Variants in ARID4A observed in about 807,000 individuals in gnomAD.
The protein encoded by ARID4A is AT-rich interactive domain-containing protein 4A.
Under a neutral mutation model 148.6 loss-of-function variants are expected in ARID4A, and 39 were observed. That is an observed-to-expected ratio of 0.26 (90% CI 0.20 to 0.34). The LOEUF (loss-of-function observed/expected upper bound fraction) is 0.34, where lower values mean the gene tolerates loss of function less well. ARID4A is among the 10% of genes least tolerant of loss of function. ARID4A has a pLI of 1.00. For missense variants in ARID4A, 1,265 were observed against 1,449.1 expected, an observed-to-expected ratio of 0.87 and a Z score of 2.06; for synonymous variants, 475 against 481.2, an observed-to-expected ratio of 0.99 and a Z score of 0.17.
intron 15 of ARID4A, among the ~76,000 whole-genome samples, chr14:58,348,567 T>C (rs1157406875): frequency 6.6e-6 from 1 of 152,222 alleles, no homozygotes; most frequent in Non-Finnish European, 1.5e-5. Flanking sequence ...ATAAGGTCTA[T>C]TTAGGAATTG....
chr14:58,353,528 TCTC>T (rs2034732309), intron 16 of ARID4A, 127 bp from the exon 17 acceptor site: 3 of 753,198 alleles, frequency 4.0e-6, no homozygotes, highest in African/African-American at 1.8e-5. Context: ...TCCTCCTTCT[TCTC>T]CTCCTCCACT....
chr14:58,364,645 AAAG>A lies in ARID4A; in HGVS notation c.2560_2562del (p.Lys854del), dbSNP rs1566724674. 5.6e-6 allele frequency: 9 copies of A among 1,613,874 alleles called. No individual in the cohort carries two copies. The highest frequency in any genetic ancestry group is 6.8e-6 in the Non-Finnish European group (8 of 1,179,976). On this transcript the variant is annotated inframe_deletion, in exon 20 of 24. Coordinates refer to ENST00000355431, the MANE Select transcript of ARID4A (RefSeq NM_002892.4). ...ATGAAATTGACCAATGTGTGAAAGA[AAAG>A]AAGTTGAAACGGAAAATACTAGGAC...
At chr14:58,344,829 A>T in intron 12 of ARID4A, 62 bp downstream of exon 12, 1 of 1,224,736 alleles carries the variant, frequency 8.2e-7, no homozygotes, top group Non-Finnish European at 1.2e-6. Context: ...TTCTAGGTAT[A>T]TGCATTGTTT....
At chr14:58,303,435 A>AT (rs915592063) in intron 3 of ARID4A, 40 of 439,100 alleles carry the variant, frequency 9.1e-5, no homozygotes, top group Middle Eastern at 4.6e-4. Flanking sequence ...GGTCTTCCAG[A>AT]TTTTTTTTAC....
intron 16 of ARID4A, chr14:58,351,574 C>A: frequency 3.0e-6 from 1 of 334,252 alleles, no homozygotes; most frequent in Non-Finnish European, 5.4e-6. Context: ...GCCACCCAGT[C>A]AAAAGAAAGG....
At chr14:58,323,943 C>T (rs1409718859) in intron 8 of ARID4A, among the ~76,000 whole-genome samples, 4 of 119,440 alleles carry the variant, frequency 3.3e-5, no homozygotes, top group East Asian at 5.3e-4. Context: ...CTCGCTCTGT[C>T]GCCCAGGTTG....
chr14:58,334,735 G>A (rs2033714454), intron 11 of ARID4A, among the ~76,000 whole-genome samples: 2 of 152,114 alleles, frequency 1.3e-5, no homozygotes, highest in Non-Finnish European at 2.9e-5. Flanking sequence ...AGGTTATGCT[G>A]TGGATCTCAT....
chr14:58,315,239 T>A (rs552688518), intron 5 of ARID4A, among the ~76,000 whole-genome samples: 20 of 151,964 alleles, frequency 1.3e-4, no homozygotes, highest in Admixed American at 2.6e-4. Flanking sequence ...TCTCTTTTTT[T>A]AAAAAAAAAT....
chr14:58,328,263 C>T lies in ARID4A; in HGVS notation c.609C>T (p.Asp203=). Residue 203 remains aspartate, a synonymous_variant, in exon 9 of 24, where the codon GAC becomes GAT. Coordinates refer to ENST00000355431, the MANE Select transcript of ARID4A (RefSeq NM_002892.4). ...TAATATCTCCCAGCTGTAATGATGA[C>T]ATCACAGTGAAAAAGGATCAGTGTT... ...ALVISPSCND[D]ITVKKDQCLV... 6.2e-7 allele frequency: 1 copy of T among 1,602,316 alleles called. No homozygotes were observed. Among genetic ancestry groups the T allele is most frequent in the Non-Finnish European group, 8.5e-7 (1 of 1,170,184 alleles).
At position 58,303,169 on chromosome 14, in the gene ARID4A, T is replaced by C. The variant is rs529366612; in HGVS notation, c.117+1479T>C. Among the ~76,000 whole-genome samples, 320 of 152,338 alleles carry C rather than the reference T, an allele frequency of 2.1e-3. 1 individual carries two copies. Among genetic ancestry groups the C allele is most frequent in the African/African-American group, 7.0e-3 (292 of 41,570 alleles). ...TCCTCCTTAAAAAATTTTATTTAAG[T>C]TGATGAATAATAATTTTACATATTC... On this transcript the variant is annotated intron_variant, in intron 3 of 23. Coordinates refer to ENST00000355431, the MANE Select transcript of ARID4A (RefSeq NM_002892.4).
At chr14:58,354,192 A>G (rs987571503) in intron 17 of ARID4A, among the ~76,000 whole-genome samples, 1 of 152,222 alleles carries the variant, frequency 6.6e-6, no homozygotes, top group Non-Finnish European at 1.5e-5. Flanking sequence ...TTGGGAAAAC[A>G]ATAATTCATA....
At chr14:58,346,039 TG>T (rs111755289) in intron 12 of ARID4A, among the ~76,000 whole-genome samples, 4 of 151,980 alleles carry the variant, frequency 2.6e-5, no homozygotes, top group African/African-American at 9.6e-5. Context: ...CCCAGCCCTA[TG>T]CCCAAGCGTC....
chr14:58,321,446 G>C (rs1387344203), intron 7 of ARID4A, among the ~76,000 whole-genome samples: 2 of 152,082 alleles, frequency 1.3e-5, no homozygotes, highest in East Asian at 1.9e-4. Flanking sequence ...TTCCAGGATG[G>C]CTTCTGTGTT....
intron 11 of ARID4A, among the ~76,000 whole-genome samples, chr14:58,337,557 CA>C (rs928182960): frequency 1.3e-5 from 2 of 151,956 alleles, no homozygotes; most frequent in Non-Finnish European, 2.9e-5. Flanking sequence ...TTCACCTTGG[CA>C]GGGGGAACTA....
At chr14:58,341,017 T>C (rs2034093107) in intron 11 of ARID4A, among the ~76,000 whole-genome samples, 1 of 152,136 alleles carries the variant, frequency 6.6e-6, no homozygotes, top group African/African-American at 2.4e-5. Flanking sequence ...TTCTCTTTTC[T>C]TCCCTCTCCC....
At chr14:58,316,869 C>T (rs770800366) in intron 5 of ARID4A, among the ~76,000 whole-genome samples, 3 of 150,864 alleles carry the variant, frequency 2.0e-5, no homozygotes, top group Non-Finnish European at 4.4e-5. Context: ...CGGGAGTCAC[C>T]GCGCCCGGCC....
intron 5 of ARID4A, among the ~76,000 whole-genome samples, chr14:58,317,205 A>AT (rs1293812228): frequency 6.6e-6 from 1 of 150,878 alleles, no homozygotes; most frequent in African/African-American, 2.4e-5. Flanking sequence ...AAAAAAAAAA[A>AT]AAAGTAGTAA....
intron 11 of ARID4A, among the ~76,000 whole-genome samples, chr14:58,339,512 T>TA (rs1272560798): frequency 6.6e-6 from 1 of 152,148 alleles, no homozygotes; most frequent in Non-Finnish European, 1.5e-5. Flanking sequence ...GAGCTTTGGG[T>TA]AAAGTTCATC....
chr14:58,368,072 C>T (rs1305327169), intron 23 of ARID4A, among the ~76,000 whole-genome samples: 1 of 152,118 alleles, frequency 6.6e-6, no homozygotes, highest in Non-Finnish European at 1.5e-5. Context: ...TCACCCCCAA[C>T]TCAAGCAGAA....
Sources: gnomAD v4.1 joint callset for allele counts (sites outside exome capture counted in the v4.1 genomes callset) on GRCh38, gnomAD v4.1.1 for gene constraint, MANE v1.5 for transcripts, NCBI Gene and HGNC (gene_info 2026-07-23, HGNC 2026-07-21) for gene names.